SGCZ: variants seen among roughly 807,000 people sequenced by gnomAD.
The protein encoded by SGCZ is zeta-sarcoglycan.
A neutral mutation model predicts 41.3 loss-of-function variants in SGCZ; 40 were observed. That is an observed-to-expected ratio of 0.97 (90% CI 0.75 to 1.26). The LOEUF (loss-of-function observed/expected upper bound fraction) is 1.26, where lower values mean the gene tolerates loss of function less well. Among genes scored for constraint, SGCZ ranks in the 50% most tolerant of loss-of-function variants. The pLI is 0.00. For synonymous variants in SGCZ, 206 were observed against 137.5 expected, an observed-to-expected ratio of 1.50 and a Z score of -3.49; for missense variants, 552 against 369.8, an observed-to-expected ratio of 1.49 and a Z score of -4.04.
intron 1 of SGCZ, among the ~76,000 whole-genome samples, chr8:15,146,469 T>C (rs937268334): frequency 3.3e-5 from 5 of 152,126 alleles, no homozygotes; most frequent in African/African-American, 7.2e-5. Context: ...AAAGTCCTTG[T>C]TCTCTAGTGA....
intron 1 of SGCZ, among the ~76,000 whole-genome samples, chr8:14,883,720 G>C (rs910381847): frequency 1.8e-4 from 27 of 149,178 alleles, no homozygotes; most frequent in Non-Finnish European, 3.0e-5. Flanking sequence ...CTATGACTTT[G>C]ACCTGGCCTG....
chr8:14,213,674 C>A (rs1388574555), intron 4 of SGCZ, among the ~76,000 whole-genome samples: 1 of 151,834 alleles, frequency 6.6e-6, no homozygotes, highest in Admixed American at 6.6e-5. Context: ...CCTCATGAAC[C>A]TTTTAAATCA....
intron 1 of SGCZ, among the ~76,000 whole-genome samples, chr8:15,065,779 T>C (rs1316149414): frequency 6.6e-6 from 1 of 152,110 alleles, no homozygotes; most frequent in South Asian, 2.1e-4. Context: ...GAATAAGCCA[T>C]AGATGTCTGG....
At chr8:14,300,159 T>C (rs573991308) in intron 3 of SGCZ, among the ~76,000 whole-genome samples, 5 of 152,096 alleles carry the variant, frequency 3.3e-5, no homozygotes, top group Non-Finnish European at 7.4e-5. Flanking sequence ...GATGTATAGT[T>C]ATGAATTACA....
At chr8:14,916,860 T>A (rs969116008) in intron 1 of SGCZ, among the ~76,000 whole-genome samples, 97 of 152,090 alleles carry the variant, frequency 6.4e-4, no homozygotes, top group African/African-American at 1.5e-3. Context: ...AGTTATTTTT[T>A]AAAAAAAACA....
chr8:14,596,843 AT>A (rs1201966735), intron 1 of SGCZ, among the ~76,000 whole-genome samples: 13 of 152,216 alleles, frequency 8.5e-5, no homozygotes, highest in Non-Finnish European at 4.4e-5. Context: ...AAAATAAAAA[AT>A]AATAAAGAAA....
intron 1 of SGCZ, among the ~76,000 whole-genome samples, chr8:14,642,114 CA>C (rs1585147737): frequency 6.6e-6 from 1 of 151,594 alleles, no homozygotes; most frequent in African/African-American, 2.4e-5. Flanking sequence ...CCAGGAGTCT[CA>C]GAGCACAGCC....
intron 2 of SGCZ, among the ~76,000 whole-genome samples, chr8:14,524,984 T>C (rs1030950609): frequency 7.2e-5 from 11 of 152,110 alleles, no homozygotes; most frequent in African/African-American, 2.7e-4. Context: ...AGTGTCTCTT[T>C]GCCTCACCAC....
chr8:14,745,658 C>T (rs1239669965), intron 1 of SGCZ, among the ~76,000 whole-genome samples: 1 of 151,818 alleles, frequency 6.6e-6, no homozygotes, highest in African/African-American at 2.4e-5. Context: ...TATATATATA[C>T]ACACATACAT....
chr8:14,783,886 G>A (rs966650859), intron 1 of SGCZ, among the ~76,000 whole-genome samples: 1 of 152,100 alleles, frequency 6.6e-6, no homozygotes, highest in Non-Finnish European at 1.5e-5. Context: ...TAAGTGGAAA[G>A]TTTCACAAGT....
At position 14,568,802 on chromosome 8, in the gene SGCZ, A is replaced by C. The variant is rs566715030; in HGVS notation, c.40-13876T>G. 3.3e-5 allele frequency among the ~76,000 whole-genome samples: 5 copies of C among 152,334 alleles called. No homozygotes were observed. The East Asian group carries it at 5.8e-4, about 18-fold the overall frequency. On this transcript the variant is annotated intron_variant, in intron 1 of 7. Transcript: ENST00000382080. The stretch of plus-strand genomic sequence containing the variant: ...GAATCACCGTAGTGCCATTTACTCC[A>C]TCATTACATCCATGGGCTTCATTAA...
intron 1 of SGCZ, among the ~76,000 whole-genome samples, chr8:14,588,920 C>A (rs943336262): frequency 6.6e-6 from 1 of 152,132 alleles, no homozygotes; most frequent in Non-Finnish European, 1.5e-5. Context: ...CTGACTATGA[C>A]ATGGAAAATT....
chr8:14,164,141 TTA>T (rs1288859650), intron 5 of SGCZ, among the ~76,000 whole-genome samples: 1 of 152,224 alleles, frequency 6.6e-6, no homozygotes, highest in African/African-American at 2.4e-5. Context: ...TTGAGGATAA[TTA>T]TGAAAGCCAT....
chr8:15,105,057 A>T (rs1179650064), intron 1 of SGCZ, among the ~76,000 whole-genome samples: 1 of 152,200 alleles, frequency 6.6e-6, no homozygotes. Flanking sequence ...TTGTCATTTT[A>T]AAAAATGTTT....
At chr8:14,339,890 AAG>A (rs1436252532) in intron 2 of SGCZ, among the ~76,000 whole-genome samples, 2 of 152,202 alleles carry the variant, frequency 1.3e-5, no homozygotes, top group African/African-American at 2.4e-5. Flanking sequence ...GAATACTATA[AAG>A]AGAGAACAGA....
chr8:15,117,720 T>A (rs1210174880), intron 1 of SGCZ, among the ~76,000 whole-genome samples: 1 of 152,220 alleles, frequency 6.6e-6, no homozygotes, highest in East Asian at 1.9e-4. Flanking sequence ...TATTCCCCTA[T>A]GGATAAATAA....
chr8:14,228,884 T>A (rs1056241778), intron 4 of SGCZ, among the ~76,000 whole-genome samples: 1 of 152,172 alleles, frequency 6.6e-6, no homozygotes, highest in Non-Finnish European at 1.5e-5. Context: ...TAGGCATGAA[T>A]GATTTTACCA....
chr8:14,539,869 T>C (rs987551774), intron 2 of SGCZ, among the ~76,000 whole-genome samples: 5 of 151,960 alleles, frequency 3.3e-5, no homozygotes, highest in Non-Finnish European at 5.9e-5. Context: ...AATGCAGAGA[T>C]GTCAGATAGA....
chr8:14,362,800 G>A (rs145437750), intron 2 of SGCZ, among the ~76,000 whole-genome samples: 5 of 151,578 alleles, frequency 3.3e-5, no homozygotes, highest in Non-Finnish European at 7.4e-5. Flanking sequence ...GCTGTAGACC[G>A]GAGCTGTTCC....
Sources: allele counts gnomAD v4.1 joint callset (sites outside exome capture counted in the v4.1 genomes callset), GRCh38; gene constraint gnomAD v4.1.1; transcripts MANE v1.5; gene names NCBI Gene and HGNC (gene_info 2026-07-23, HGNC 2026-07-21).